Variants in ANKRD11 observed in about 807,000 individuals in gnomAD.
The protein encoded by ANKRD11 is ankyrin repeat domain-containing protein 11.
ANKRD11 carries 17 observed loss-of-function variants against 195.7 expected under a neutral mutation model. The observed-to-expected ratio is 0.09, with a 90% CI of 0.06 to 0.13. The LOEUF (loss-of-function observed/expected upper bound fraction) is 0.13. ANKRD11 is among the 10% of genes least tolerant of loss of function. The probability of loss-of-function intolerance (pLI) is 1.00; values close to 1 mark genes in which losing one functional copy is unlikely to be tolerated. For synonymous variants in ANKRD11, 1,953 were observed against 1,528.1 expected (o/e 1.28, Z -6.49); for missense variants, 3,735 against 3,566.1 (o/e 1.05, Z -1.21).
chr16:89,423,164 T>A (rs1440095441), intron 1 of ANKRD11, among the ~76,000 whole-genome samples: 2 of 151,710 alleles, frequency 1.3e-5, no homozygotes, highest in African/African-American at 2.4e-5. Flanking sequence ...AGCCCAGGAG[T>A]CCATGTTAGC....
intron 1 of ANKRD11, among the ~76,000 whole-genome samples, chr16:89,454,918 T>C (rs1293653257): frequency 1.6e-4 from 11 of 69,496 alleles, no homozygotes; most frequent in East Asian, 1.0e-3. Flanking sequence ...CTGGGTGCTG[T>C]TAGGGTTCCT....
intron 4 of ANKRD11, chr16:89,300,818 A>T: frequency 1.4e-6 from 1 of 699,578 alleles, no homozygotes; most frequent in Non-Finnish European, 2.6e-6. Context: ...TGTCATTCAC[A>T]GGTCAAAGCA....
intron 2 of ANKRD11, among the ~76,000 whole-genome samples, chr16:89,358,870 G>A (rs1873816410): frequency 6.6e-6 from 1 of 151,918 alleles, no homozygotes; most frequent in African/African-American, 2.4e-5. Context: ...CTGCTGCCCA[G>A]GCTGGAGCGC....
chr16:89,368,680 C>G (rs2040060393), intron 2 of ANKRD11, among the ~76,000 whole-genome samples: 2 of 150,446 alleles, frequency 1.3e-5, no homozygotes, highest in Non-Finnish European at 2.9e-5. Flanking sequence ...GGCTGAAGTG[C>G]TATAATTGCT....
chr16:89,316,995 C>CT lies in ANKRD11; in HGVS notation c.24dup (p.Ala9SerfsTer23). The CT allele has an allele frequency of 6.2e-7, 1 of 1,613,786 alleles. No homozygotes were observed. Among genetic ancestry groups the CT allele is most frequent in the Non-Finnish European group, 8.5e-7 (1 of 1,179,882 alleles). Reference sequence around the variant, plus strand: ...AGGGGAAGCTCTTCCTGCTGTGGTGCTTTAGGGCACCCACCCTTGGGCATC... The same window carrying CT: ...AGGGGAAGCTCTTCCTGCTGTGGTGCTTTTAGGGCACCCACCCTTGGGCATC... On this transcript the variant is annotated frameshift_variant, in exon 3 of 13. Transcript: ENST00000301030. LOFTEE classifies it high-confidence loss of function.
chr16:89,485,635 T>C (rs1421184782), intron 1 of ANKRD11, among the ~76,000 whole-genome samples: 1 of 152,136 alleles, frequency 6.6e-6, no homozygotes, highest in Non-Finnish European at 1.5e-5. Flanking sequence ...CTCCCAAATA[T>C]ACCCACAATT....
Position 89,271,416 on chromosome 16 carries a change from G to A in ANKRD11, c.7714-507C>T, listed in dbSNP as rs145919902. The A allele has an allele frequency of 4.4e-3, 1,030 of 233,768 alleles. 16 individuals are homozygous for A. The highest frequency in any genetic ancestry group is 0.022 in the African/African-American group (967 of 43,804). The allele number at this position is 233,768 out of a possible 1,614,324, so 14.5% of individuals were successfully genotyped here. A position where few individuals can be genotyped will look rare whatever the true frequency, so the allele number is the denominator to read the frequency against. On this transcript the variant is annotated intron_variant, in intron 11 of 12. Transcript: ENST00000301030. ...ACGCCCAGCTAATTTTGTATTTTTA[G>A]TAGAGACGGGGTTTCTCCTGGGCGA...
chr16:89,443,025 C>G (rs1335577190), intron 1 of ANKRD11, among the ~76,000 whole-genome samples: 1 of 152,216 alleles, frequency 6.6e-6, no homozygotes, highest in East Asian at 1.9e-4. Flanking sequence ...CAGAATCTCG[C>G]TCTGTCATCC....
At position 89,443,616 on chromosome 16, in the gene ANKRD11, T is replaced by C. The variant is rs117725187; in HGVS notation, c.-144-25248A>G. Among the ~76,000 whole-genome samples, 1,307 of 152,302 alleles carry C rather than the reference T, an allele frequency of 8.6e-3. 7 individuals are homozygous for C. Among genetic ancestry groups the C allele is most frequent in the Non-Finnish European group, 0.013 (902 of 68,036 alleles). ...GCTGCCTGCCACGCATGGAAAATTC[T>C]TTAGGCAATACCCTCCGCACCCAGA... On this transcript the variant is annotated intron_variant, in intron 1 of 12. Transcript: ENST00000301030.
intron 1 of ANKRD11, among the ~76,000 whole-genome samples, chr16:89,439,769 T>C (rs1320532374): frequency 6.6e-6 from 1 of 152,168 alleles, no homozygotes; most frequent in Non-Finnish European, 1.5e-5. Flanking sequence ...AAAGGTGTTC[T>C]CAACACAACT....
chr16:89,388,726 A>G (rs959731359), intron 2 of ANKRD11, among the ~76,000 whole-genome samples: 1 of 152,174 alleles, frequency 6.6e-6, no homozygotes, highest in Non-Finnish European at 1.5e-5. Context: ...AAGAGCCGGC[A>G]GGTCCCGGGC....
chr16:89,275,221 A>T (rs2033548490), intron 9 of ANKRD11, 30 bp from the exon 10 acceptor site: 2 of 1,571,478 alleles, frequency 1.3e-6, no homozygotes, highest in Non-Finnish European at 1.7e-6. Context: ...GTGGGGGGTC[A>T]GCTGGGGCTG....
At position 89,280,338 on chromosome 16, in the gene ANKRD11, G is replaced by A; in HGVS notation, c.6204C>T (p.Asn2068=). The part of the protein sequence containing the change: ...PPSGLESFFS[N]CKSLPEAPLD... Reference sequence around the variant, plus strand: ...GCGGGGCTTCCGGAAGTGACTTGCAGTTGCTGAAGAAGGACTCCAGCCCGG... The same window carrying A: ...GCGGGGCTTCCGGAAGTGACTTGCAATTGCTGAAGAAGGACTCCAGCCCGG... The change falls in exon 9 of 13, where the codon AAC becomes AAT. Residue 2068 remains asparagine (N), a synonymous_variant. Coordinates refer to ENST00000301030, the MANE Select transcript of ANKRD11 (RefSeq NM_013275.6). 4 of 1,579,838 alleles carry A rather than the reference G, an allele frequency of 2.5e-6. No homozygotes were observed. The highest frequency in any genetic ancestry group is 1.4e-5 in the African/African-American group (1 of 73,898).
In ANKRD11 at chr16:89,285,095, T is replaced by C. The variant is rs2034553762; in HGVS notation, c.1447A>G (p.Ser483Gly). 6.2e-7 allele frequency: 1 copy of C among 1,613,670 alleles called. No individual in the cohort carries two copies. The highest frequency in any genetic ancestry group is 1.3e-5 in the African/African-American group (1 of 74,936). Residue 483 changes from serine to glycine, a missense_variant, in exon 9 of 13, where the codon AGC becomes GGC. Transcript: ENST00000301030. The surrounding 1 kb of genome is among the most constrained non-coding windows in gnomAD (Gnocchi z 5.6). ...TCCTCCCCACTCTCTGAGGACTCGC[T>C]CTCCGACTCCGAGGAGCAGAACTTG... Reference protein sequence around the residue: ...SDKFCSSESESESSESGEDDR... With the variant: ...SDKFCSSESEGESSESGEDDR...
At chr16:89,453,662 CAT>C (rs1486265684) in intron 1 of ANKRD11, among the ~76,000 whole-genome samples, 7 of 152,146 alleles carry the variant, frequency 4.6e-5, no homozygotes, top group African/African-American at 1.4e-4. Context: ...CACGAAAAAA[CAT>C]ATGGGAAAAT....
chr16:89,386,592 T>C (rs980562710), intron 2 of ANKRD11, among the ~76,000 whole-genome samples: 10 of 151,162 alleles, frequency 6.6e-5, no homozygotes, highest in African/African-American at 1.9e-4. Flanking sequence ...CGGGGAGGAG[T>C]GTATCCAAAA....
intron 2 of ANKRD11, among the ~76,000 whole-genome samples, chr16:89,402,469 C>T (rs1185562628): frequency 6.6e-6 from 1 of 151,950 alleles, no homozygotes; most frequent in East Asian, 1.9e-4. Context: ...CGGTTGACTC[C>T]AAGAGTTCAA....
At position 89,280,728 on chromosome 16, in the gene ANKRD11, G is replaced by C; in HGVS notation, c.5814C>G (p.Pro1938=). 6.2e-7 allele frequency: 1 copy of C among 1,613,492 alleles called. No homozygotes were observed. The highest frequency in any genetic ancestry group is 1.3e-5 in the African/African-American group (1 of 75,066). The part of the protein sequence containing the change: ...PSYLEPLDEG[P]FSAVITEEPV... ...GCTCCTCGGTGATGACGGCGCTGAA[G>C]GGACCCTCGTCCAGCGGCTCCAGGT... is the stretch of plus-strand genomic sequence containing the variant. Residue 1938 remains proline (P), a synonymous_variant, in exon 9 of 13, where the codon CCC becomes CCG. Coordinates refer to ENST00000301030, the MANE Select transcript of ANKRD11 (RefSeq NM_013275.6).
At chr16:89,448,181 C>T (rs571258428) in intron 1 of ANKRD11, among the ~76,000 whole-genome samples, 1 of 151,662 alleles carries the variant, frequency 6.6e-6, no homozygotes, top group Non-Finnish European at 1.5e-5. Flanking sequence ...AGTGGGCACC[C>T]TGCAGACAGT....
Sources: gnomAD v4.1 joint callset for allele counts (sites outside exome capture counted in the v4.1 genomes callset) on GRCh38, gnomAD v4.1.1 for gene constraint, Gnocchi (gnomAD v3.1) non-coding constraint, MANE v1.5 for transcripts, NCBI Gene and HGNC (gene_info 2026-07-23, HGNC 2026-07-21) for gene names.